The following PCM1 variants were observed in gnomAD, a reference collection of about 807,000 sequenced individuals.
PCM1 encodes the protein pericentriolar material 1, also known as pericentriolar material 1 protein.
A neutral mutation model predicts 241.9 loss-of-function variants in PCM1; 157 were observed. That is an observed-to-expected ratio of 0.65 (90% CI 0.57 to 0.74). PCM1 has a LOEUF of 0.74. PCM1 is among the 30% of genes least tolerant of loss of function. The pLI is 0.00. For synonymous variants in PCM1, 1,085 were observed against 784.9 expected (o/e 1.38, Z -6.39); for missense variants, 3,478 against 2,360.1 (o/e 1.47, Z -9.81).
intron 23 of PCM1, among the ~76,000 whole-genome samples, chr8:17,976,182 G>A (rs1044785464): frequency 3.9e-5 from 6 of 152,176 alleles, no homozygotes; most frequent in African/African-American, 1.4e-4. Flanking sequence ...TAAACAACTA[G>A]TCAACTTTTT....
At chr8:17,998,027 C>T (rs1373985920) in intron 29 of PCM1, among the ~76,000 whole-genome samples, 1 of 148,038 alleles carries the variant, frequency 6.8e-6, no homozygotes, top group Non-Finnish European at 1.5e-5. Flanking sequence ...CAGAGCAAGG[C>T]TCCGTCTGAA....
intron 29 of PCM1, among the ~76,000 whole-genome samples, chr8:18,003,961 A>G (rs2090462215): frequency 6.6e-6 from 1 of 152,118 alleles, no homozygotes; most frequent in Non-Finnish European, 1.5e-5. Context: ...TTAATAGTAC[A>G]ATAAATATTT....
At chr8:18,004,202 T>C (rs775332113) in intron 29 of PCM1, among the ~76,000 whole-genome samples, 45 of 152,324 alleles carry the variant, frequency 3.0e-4, no homozygotes, top group Non-Finnish European at 5.7e-4. Context: ...ATAAAATATT[T>C]AATACTTGAG....
At chr8:18,007,579 C>T (rs1281967134) in intron 30 of PCM1, among the ~76,000 whole-genome samples, 2 of 152,186 alleles carry the variant, frequency 1.3e-5, no homozygotes, top group Non-Finnish European at 2.9e-5. Context: ...GCATTAATTT[C>T]TAAAGACTTT....
In PCM1 at chr8:17,939,794, T is replaced by A. The variant is rs1175874209; in HGVS notation, c.716T>A (p.Leu239His). Residue 239 changes from leucine (L) to histidine (H), a missense_variant, in exon 6 of 39, where the codon CTT (leucine) becomes CAT (histidine). Coordinates refer to ENST00000325083, the MANE Select transcript of PCM1 (RefSeq NM_006197.4). ...GAGAGATCTGCTAATGTTGAGCGCC[T>A]TACTCATCTAATAGATCACCTTAAA... The part of the protein sequence containing the change: ...KNERSANVER[L>H]THLIDHLKEQ... The A allele has an allele frequency of 6.5e-7, 1 of 1,544,878 alleles. No individual in the cohort carries two copies. The highest frequency in any genetic ancestry group is 1.2e-5 in the South Asian group (1 of 84,286).
intron 21 of PCM1, among the ~76,000 whole-genome samples, chr8:17,968,619 G>C (rs2075758185): frequency 6.6e-6 from 1 of 151,568 alleles, no homozygotes; most frequent in Non-Finnish European, 1.5e-5. Context: ...AAGGTTGAGA[G>C]GGCTTTGTGA....
intron 24 of PCM1, among the ~76,000 whole-genome samples, chr8:17,982,384 G>A (rs2081162436): frequency 6.6e-6 from 1 of 151,946 alleles, no homozygotes; most frequent in Non-Finnish European, 1.5e-5. Context: ...TAGTACTTCA[G>A]GCCCTATTAC....
At chr8:17,931,352 G>T (rs571410339) in intron 2 of PCM1, among the ~76,000 whole-genome samples, 1 of 151,692 alleles carries the variant, frequency 6.6e-6, no homozygotes, top group Non-Finnish European at 1.5e-5. Context: ...GCAGTGGCGT[G>T]ATCTCAGCAC....
chr8:17,949,468 G>A (rs1387551971), intron 7 of PCM1, among the ~76,000 whole-genome samples: 2 of 151,468 alleles, frequency 1.3e-5, no homozygotes, highest in Non-Finnish European at 2.9e-5. Context: ...TAAAACAGAA[G>A]CAATTTATAA....
At chr8:17,954,972 G>A (rs997837993) in intron 9 of PCM1, among the ~76,000 whole-genome samples, 6 of 152,128 alleles carry the variant, frequency 3.9e-5, no homozygotes, top group African/African-American at 1.4e-4. Context: ...GTCCAGATGT[G>A]ACATCCCCCT....
At chr8:17,940,218 T>G in intron 6 of PCM1, 2 of 862,832 alleles carry the variant, frequency 2.3e-6, no homozygotes, top group Non-Finnish European at 1.8e-6. Context: ...TTCTCCCAGT[T>G]TTCAAGATGT....
chr8:17,934,331 G>A (rs1008838737), intron 2 of PCM1, among the ~76,000 whole-genome samples: 3 of 150,506 alleles, frequency 2.0e-5, no homozygotes, highest in Non-Finnish European at 3.0e-5. Flanking sequence ...GTGCAGTCTC[G>A]GCTCACTGCA....
chr8:17,930,373 G>C (rs1034464301), intron 2 of PCM1, among the ~76,000 whole-genome samples: 3 of 151,680 alleles, frequency 2.0e-5, no homozygotes, highest in African/African-American at 7.3e-5. Flanking sequence ...AAAATGCTGG[G>C]ATTACAGGCG....
intron 24 of PCM1, among the ~76,000 whole-genome samples, chr8:17,981,275 C>T (rs1396304440): frequency 6.6e-6 from 1 of 152,144 alleles, no homozygotes; most frequent in Non-Finnish European, 1.5e-5. Flanking sequence ...GTTTTTCTAT[C>T]TCAAGTCCTT....
chr8:18,027,522 G>C, intron 38 of PCM1, 115 bp from the exon 39 acceptor site: 1 of 638,982 alleles, frequency 1.6e-6, no homozygotes, highest in Non-Finnish European at 2.6e-6. Flanking sequence ...AGCTAATTTA[G>C]GATTTCTTTT....
At chr8:18,026,014 A>AT (rs2094166025) in intron 38 of PCM1, among the ~76,000 whole-genome samples, 1 of 151,294 alleles carries the variant, frequency 6.6e-6, no homozygotes, top group South Asian at 2.1e-4. Context: ...AATACAAAAA[A>AT]TCAGCCAAGC....
intron 24 of PCM1, among the ~76,000 whole-genome samples, chr8:17,981,967 A>G (rs936377985): frequency 6.6e-6 from 1 of 152,194 alleles, no homozygotes; most frequent in Non-Finnish European, 1.5e-5. Flanking sequence ...ACTATGTATA[A>G]ACAAAAATTT....
chr8:18,017,537 G>T (rs933451989), intron 36 of PCM1, among the ~76,000 whole-genome samples: 1 of 152,178 alleles, frequency 6.6e-6, no homozygotes, highest in African/African-American at 2.4e-5. Context: ...TGTTGGGCCA[G>T]ACTATTTCCT....
chr8:17,950,620 G>A lies in PCM1; in HGVS notation c.967G>A (p.Ala323Thr). Residue 323 changes from alanine to threonine, a missense_variant, in exon 8 of 39, where the codon GCA becomes ACA. Transcript: ENST00000325083. ...AGTTACTAATTTCTTTCCAGTTGTT[G>A]CAGAAACTGCAGGTAGCTTATCTGG... is the stretch of plus-strand genomic sequence containing the variant. ...AIAVMDDSVV[A>T]ETAGSLSGVS... is the part of the protein sequence containing the mutation. 6.4e-7 allele frequency: 1 copy of A among 1,568,004 alleles called. No homozygotes were observed. The highest frequency in any genetic ancestry group is 8.7e-7 in the Non-Finnish European group (1 of 1,143,418).
Sources: gnomAD v4.1 joint callset for allele counts (sites outside exome capture counted in the v4.1 genomes callset) on GRCh38, gnomAD v4.1.1 for gene constraint, MANE v1.5 for transcripts, NCBI Gene and HGNC (gene_info 2026-07-23, HGNC 2026-07-21) for gene names.